Variants in GPC3 observed in about 807,000 individuals in gnomAD.
GPC3 encodes glypican 3.
In GPC3, 3 loss-of-function variants were observed where a neutral mutation model predicts 34.4. That is an observed-to-expected ratio of 0.09 (90% CI 0.04 to 0.23). The LOEUF (loss-of-function observed/expected upper bound fraction) is 0.23. GPC3 is among the 10% of genes least tolerant of loss of function. The pLI, the probability that GPC3 is intolerant of heterozygous loss-of-function variation, is 1.00. For missense variants in GPC3, 351 were observed against 445.6 expected (o/e 0.79, Z 1.91); for synonymous variants, 177 against 174.0 (o/e 1.02, Z -0.13).
At chrX:133,911,313 G>C (rs769948906) in intron 2 of GPC3, among the ~76,000 whole-genome samples, 2 of 112,140 alleles carry the variant, frequency 1.8e-5, no homozygotes, top group African/African-American at 3.2e-5. Context: ...GTTGTGAACA[G>C]ATCACGTCTA....
intron 2 of GPC3, among the ~76,000 whole-genome samples, chrX:133,796,192 G>A (rs926981740): frequency 8.1e-5 from 9 of 111,017 alleles, no homozygotes; most frequent in African/African-American, 2.3e-4. Context: ...TGATCTGCCC[G>A]CCTTGGCCTC....
intron 2 of GPC3, among the ~76,000 whole-genome samples, chrX:133,866,996 G>A (rs1294299292): frequency 4.5e-5 from 5 of 110,428 alleles, no homozygotes; most frequent in Non-Finnish European, 9.5e-5. Context: ...TCAGGAGTTC[G>A]AGACCAGCCT....
intron 6 of GPC3, among the ~76,000 whole-genome samples, chrX:133,651,561 G>C (rs772453827): frequency 2.6e-4 from 29 of 111,460 alleles, no homozygotes; most frequent in African/African-American, 9.5e-4. Flanking sequence ...ATATTACTCT[G>C]CTAGTTTTCT....
chrX:133,621,833 G>A (rs1316619603), intron 6 of GPC3, among the ~76,000 whole-genome samples: 3 of 112,342 alleles, frequency 2.7e-5, no homozygotes, highest in African/African-American at 9.7e-5. Context: ...TTTGAGATCT[G>A]AGAACAGACA....
At chrX:133,984,586 A>G (rs2076557275) in intron 1 of GPC3, among the ~76,000 whole-genome samples, 1 of 111,585 alleles carries the variant, frequency 9.0e-6, no homozygotes, top group African/African-American at 3.3e-5. Context: ...GAGGAGTTAA[A>G]TATCTTTGGA....
At chrX:133,749,175 C>T (rs1428808592) in intron 3 of GPC3, among the ~76,000 whole-genome samples, 1 of 112,045 alleles carries the variant, frequency 8.9e-6, no homozygotes, top group Non-Finnish European at 1.9e-5. Context: ...GCATGAGAAT[C>T]GCATGGGCCC....
chrX:133,879,622 A>G (rs1315384578), intron 2 of GPC3, among the ~76,000 whole-genome samples: 2 of 110,371 alleles, frequency 1.8e-5, no homozygotes, highest in African/African-American at 6.6e-5. Flanking sequence ...CTTGGCCAAC[A>G]TGGTGAAACC....
At chrX:133,607,699 C>T (rs2070066117) in intron 6 of GPC3, among the ~76,000 whole-genome samples, 1 of 112,549 alleles carries the variant, frequency 8.9e-6, no homozygotes, top group Admixed American at 9.3e-5. Context: ...AGCAAGACAG[C>T]TGAACAGACG....
intron 7 of GPC3, among the ~76,000 whole-genome samples, chrX:133,560,807 T>C (rs779772154): frequency 9.0e-6 from 1 of 111,328 alleles, no homozygotes; most frequent in East Asian, 2.8e-4. Flanking sequence ...ATACATGCAA[T>C]TATTATTTAC....
At chrX:133,542,628 C>T (rs1046847627) in intron 7 of GPC3, among the ~76,000 whole-genome samples, 1 of 112,310 alleles carries the variant, frequency 8.9e-6, no homozygotes, top group Non-Finnish European at 1.9e-5. Context: ...CAGCAGATGG[C>T]TTCAATCTGG....
chrX:133,617,470 T>C (rs181506985), intron 6 of GPC3, among the ~76,000 whole-genome samples: 13 of 112,147 alleles, frequency 1.2e-4, no homozygotes, highest in Non-Finnish European at 1.9e-4. Flanking sequence ...GGTACAAAAG[T>C]AATTGTGGGA....
At chrX:133,981,196 A>G (rs2076537156) in intron 1 of GPC3, among the ~76,000 whole-genome samples, 1 of 111,988 alleles carries the variant, frequency 8.9e-6, no homozygotes, top group Non-Finnish European at 1.9e-5. Flanking sequence ...CATTTCAGCC[A>G]ATTTCCTGGA....
chrX:133,617,557 T>C (rs1448623668), intron 6 of GPC3, among the ~76,000 whole-genome samples: 1 of 112,221 alleles, frequency 8.9e-6, no homozygotes, highest in Non-Finnish European at 1.9e-5. Context: ...GCCAAGCATG[T>C]ACTAAATGCT....
At chrX:133,971,442 T>A (rs1023992462) in intron 1 of GPC3, among the ~76,000 whole-genome samples, 4 of 111,202 alleles carry the variant, frequency 3.6e-5, no homozygotes, top group African/African-American at 1.3e-4. Flanking sequence ...TTTCTCTCCA[T>A]TGAGGACAGA....
At position 133,651,975 on chromosome X, in the gene GPC3, C is replaced by G. The variant is rs777304312; in HGVS notation, c.1413+9755G>C. 3.6e-5 allele frequency among the ~76,000 whole-genome samples: 4 copies of G among 112,125 alleles called. No individual in the cohort carries two copies. In the East Asian group the frequency reaches 8.4e-4, roughly 24 times the overall value. On this transcript the variant is annotated intron_variant, in intron 6 of 7. Coordinates refer to ENST00000370818, the MANE Select transcript of GPC3 (RefSeq NM_004484.4). ...TGTACGCACATATAAGGGGAAATGG[C>G]CTGATTAGTTCTGAGTAAGTCCACA...
At chrX:133,791,034 C>T (rs1285935109) in intron 2 of GPC3, among the ~76,000 whole-genome samples, 2 of 111,527 alleles carry the variant, frequency 1.8e-5, no homozygotes, top group African/African-American at 6.5e-5. Context: ...AGTGCTTTGA[C>T]CCTGTCTCTG....
At chrX:133,917,586 G>A (rs1180854084) in intron 2 of GPC3, among the ~76,000 whole-genome samples, 1 of 112,035 alleles carries the variant, frequency 8.9e-6, no homozygotes, top group Non-Finnish European at 1.9e-5. Flanking sequence ...TATAAGAACA[G>A]ATCTGTCCCC....
chrX:133,711,772 C>G (rs993821756), intron 3 of GPC3, among the ~76,000 whole-genome samples: 1 of 112,161 alleles, frequency 8.9e-6, no homozygotes, highest in East Asian at 2.8e-4. Context: ...TTTGTGCATT[C>G]TAGAATGTTC....
chrX:133,682,134 G>A (rs1054251961), intron 5 of GPC3, among the ~76,000 whole-genome samples: 1 of 111,069 alleles, frequency 9.0e-6, no homozygotes, highest in Non-Finnish European at 1.9e-5. Flanking sequence ...CCATAATCTC[G>A]GCTACCTAGG....
Sources: gnomAD v4.1 joint callset for allele counts (sites outside exome capture counted in the v4.1 genomes callset) on GRCh38, gnomAD v4.1.1 for gene constraint, MANE v1.5 for transcripts, NCBI Gene and HGNC (gene_info 2026-07-23, HGNC 2026-07-21) for gene names.